NIN: variants seen among roughly 807,000 people sequenced by gnomAD.
The protein encoded by NIN is glycogen synthase kinase 3 beta-interacting protein.
In NIN, 137 loss-of-function variants were observed where a neutral mutation model predicts 257.6. The ratio of observed to expected loss-of-function variants is 0.53; its 90% CI spans 0.46 to 0.61. NIN has a LOEUF of 0.61. Among genes scored for constraint, NIN ranks in the 20% least tolerant of loss-of-function variants. The pLI, the probability that NIN is intolerant of heterozygous loss-of-function variation, is 0.00. For synonymous variants in NIN, 918 were observed against 919.8 expected (o/e 1.00, Z 0.04); for missense variants, 2,439 against 2,501.2 (o/e 0.98, Z 0.53).
chr14:50,760,869 A>G (rs2042249953), intron 16 of NIN, among the ~76,000 whole-genome samples: 1 of 152,050 alleles, frequency 6.6e-6, no homozygotes, highest in South Asian at 2.1e-4. Context: ...GGGTCTCACC[A>G]TGTTGCCCAG....
At chr14:50,821,175 T>C (rs1463601871) in intron 3 of NIN, among the ~76,000 whole-genome samples, 1 of 152,216 alleles carries the variant, frequency 6.6e-6, no homozygotes, top group East Asian at 1.9e-4. Context: ...AAGCTATTAA[T>C]TATAATGAGG....
chr14:50,775,967 A>G (rs1487062172), intron 7 of NIN, among the ~76,000 whole-genome samples: 1 of 152,220 alleles, frequency 6.6e-6, no homozygotes, highest in East Asian at 1.9e-4. Flanking sequence ...TCTGTAAGCT[A>G]GGCTACTTGA....
At chr14:50,746,987 G>A (rs2041575643) in intron 22 of NIN, among the ~76,000 whole-genome samples, 2 of 152,162 alleles carry the variant, frequency 1.3e-5, no homozygotes, top group African/African-American at 4.8e-5. Context: ...TCAGCCTCCT[G>A]AGTAGCTGGG....
At position 50,741,651 on chromosome 14, in the gene NIN, C is replaced by A; in HGVS notation, c.5379G>T (p.Gln1793His). Reference protein sequence around the residue: ...SRMKSDLRVTQQEKEALKQEV... With the variant: ...SRMKSDLRVTHQEKEALKQEV... ...CTTGTTTTAAAGCCTCCTTTTCCTG[C>A]TGAGTCACTCGTAGGTCAGATTTCA... Residue 1793 changes from glutamine (Q) to histidine (H), a missense_variant, in exon 25 of 31, where the codon CAG becomes CAT. Physicochemically the swap from Gln to His is conservative, Grantham distance 24. This residue lies in a region of NIN where 2,043 missense variants were observed against 2,050.2 expected (regional missense o/e 1.00). Coordinates refer to ENST00000530997, the MANE Select transcript of NIN (RefSeq NM_020921.4). 6.2e-7 allele frequency: 1 copy of A among 1,614,150 alleles called. No homozygotes were observed. The highest frequency in any genetic ancestry group is 8.5e-7 in the Non-Finnish European group (1 of 1,180,004).
intron 24 of NIN, 56 bp from the exon 25 acceptor site, chr14:50,741,784 A>G: frequency 6.4e-7 from 1 of 1,570,540 alleles, no homozygotes; most frequent in South Asian, 1.2e-5. Context: ...TCTCACCTCT[A>G]GCATGTTCAG....
At chr14:50,816,496 G>C (rs1201834448) in intron 3 of NIN, among the ~76,000 whole-genome samples, 1 of 152,168 alleles carries the variant, frequency 6.6e-6, no homozygotes, top group Non-Finnish European at 1.5e-5. Context: ...TGAGGGAATG[G>C]AGATTCACTT....
In NIN at chr14:50,754,739, T is replaced by C. The variant is rs2041948173; in HGVS notation, c.4664+3A>G. ...CTTAGGAAAATGTAAGTATACGTCT[T>C]ACCACATTTCTTCCTGAGATCCATT... On this transcript the variant is annotated splice_donor_region_variant and intron_variant, in intron 19 of 30. Transcript: ENST00000530997. 1.3e-6 allele frequency: 2 copies of C among 1,585,758 alleles called. No homozygotes were observed. Among genetic ancestry groups the C allele is most frequent in the Non-Finnish European group, 1.7e-6 (2 of 1,164,738 alleles).
intron 21 of NIN, among the ~76,000 whole-genome samples, chr14:50,749,121 C>G (rs112974993): frequency 0.052 from 7,885 of 152,100 alleles, 672 homozygotes; most frequent in African/African-American, 0.18. Flanking sequence ...ATATATAGAC[C>G]AATGGAACAG....
In NIN at chr14:50,750,921, T is replaced by C. The variant is rs1001607187; in HGVS notation, c.4950+1597A>G. Among the ~76,000 whole-genome samples the C allele has an allele frequency of 7.9e-5, 12 of 152,228 alleles. No individual in the cohort carries two copies. In the East Asian group the frequency reaches 9.6e-4, roughly 12 times the overall value. ...CCATCCCTTTCCCACCCTCCCTTTT[T>C]AGTTTCTGGTTTATCCTTCTTGTGT... On this transcript the variant is annotated intron_variant, in intron 21 of 30. Transcript: ENST00000530997.
chr14:50,723,703 C>T lies in NIN; in HGVS notation c.6193-31G>A, dbSNP rs1357232869. 4 of 1,590,846 alleles carry T rather than the reference C, an allele frequency of 2.5e-6. No homozygotes were observed. The Admixed American group carries it at 6.7e-5, about 27-fold the overall frequency. On this transcript the variant is annotated intron_variant, in intron 30 of 30. Coordinates refer to ENST00000530997, the MANE Select transcript of NIN (RefSeq NM_020921.4). The stretch of plus-strand genomic sequence containing the variant: ...AACAGAACCAGAAACATCTTGACTC[C>T]ATTTCTGTAACTCTTCTTAAACCTT...
At chr14:50,827,769 A>AAG (rs1555396274) in intron 2 of NIN, among the ~76,000 whole-genome samples, 16 of 151,202 alleles carry the variant, frequency 1.1e-4, no homozygotes, top group African/African-American at 3.6e-4. Context: ...AAAAAAAAAA[A>AAG]AAAAGAAAGA....
intron 29 of NIN, among the ~76,000 whole-genome samples, chr14:50,726,839 T>G (rs554341300): frequency 2.0e-5 from 3 of 152,320 alleles, no homozygotes; most frequent in East Asian, 3.9e-4. Flanking sequence ...GAATTTCAGA[T>G]TTCATAAAGG....
At chr14:50,726,178 A>G (rs2040404055) in intron 29 of NIN, 112 bp from the exon 30 acceptor site, 1 of 781,540 alleles carries the variant, frequency 1.3e-6, no homozygotes, top group East Asian at 2.6e-5. Flanking sequence ...CCTTTGTAAC[A>G]GGAAGGATGG....
intron 29 of NIN, 125 bp downstream of exon 29, chr14:50,729,398 T>G: frequency 1.2e-6 from 1 of 855,386 alleles, no homozygotes; most frequent in South Asian, 1.9e-5. Flanking sequence ...GCCTCCCAAG[T>G]AGCTGGGACT....
rs1412642932 is a variant in NIN at position 50,766,348 on chromosome 14, T to C, written c.1594A>G (p.Arg532Gly). Residue 532 changes from arginine (R) to glycine (G), a missense_variant, in exon 14 of 31, where the codon AGA (arginine) becomes GGA (glycine). Around this residue, in one of 3 missense-constraint regions of NIN, gnomAD observed 2,043 missense variants for 2,050.2 expected, o/e 1.00. Transcript: ENST00000530997. Reference sequence around the variant, plus strand: ...TATTCATTTCTCATCTGTGTCAGTCTCTCTTCTTGCAGGAAGAACTCAGCA... The same window carrying C: ...TATTCATTTCTCATCTGTGTCAGTCCCTCTTCTTGCAGGAAGAACTCAGCA... ...SSAEFFLQEE[R>G]LTQMRNEYER... 6.2e-7 allele frequency: 1 copy of C among 1,614,070 alleles called. No homozygotes were observed. Among genetic ancestry groups the C allele is most frequent in the East Asian group, 2.2e-5 (1 of 44,882 alleles).
chr14:50,770,822 TGAG>T, intron 11 of NIN, 27 bp downstream of exon 11: 5 of 1,601,234 alleles, frequency 3.1e-6, no homozygotes, highest in Non-Finnish European at 3.4e-6. Context: ...GGGTGGTGGG[TGAG>T]GAGGAGCCTC....
intron 14 of NIN, 80 bp downstream of exon 14, chr14:50,766,227 G>A (rs2141720594): frequency 9.5e-7 from 1 of 1,055,258 alleles, no homozygotes; most frequent in Non-Finnish European, 1.5e-6. Context: ...CTTGCTTAGG[G>A]TCACAGAGCT....
intron 4 of NIN, among the ~76,000 whole-genome samples, chr14:50,803,145 A>C (rs2044170118): frequency 6.6e-6 from 1 of 152,186 alleles, no homozygotes; most frequent in African/African-American, 2.4e-5. Flanking sequence ...CAAGGTCAGG[A>C]GTTCAAGACC....
At chr14:50,735,807 G>C (rs1040011044) in intron 27 of NIN, among the ~76,000 whole-genome samples, 190 bp from the exon 28 acceptor site, 42 of 152,120 alleles carry the variant, frequency 2.8e-4, no homozygotes, top group African/African-American at 9.4e-4. Flanking sequence ...TTAATCACCT[G>C]TCCTCACACA....
Sources: gnomAD v4.1 joint callset for allele counts (sites outside exome capture counted in the v4.1 genomes callset) on GRCh38, gnomAD v4.1.1 for gene constraint, gnomAD v4.1.1 regional missense constraint, MANE v1.5 for transcripts, NCBI Gene and HGNC (gene_info 2026-07-23, HGNC 2026-07-21) for gene names.